The following ABCC11 variants were observed in gnomAD, a reference collection of about 807,000 sequenced individuals.
The protein encoded by ABCC11 is ATP-binding cassette sub-family C member 11.
Under a neutral mutation model 149.3 loss-of-function variants are expected in ABCC11, and 135 were observed. That is an observed-to-expected ratio of 0.90 (90% CI 0.79 to 1.04). ABCC11 has a LOEUF of 1.04. ABCC11 is among the 50% of genes least tolerant of loss of function. ABCC11 has a pLI of 0.00. For missense variants in ABCC11, 1,680 were observed against 1,722.1 expected (o/e 0.98, Z 0.43); for synonymous variants, 665 against 671.4 (o/e 0.99, Z 0.15).
At chr16:48,228,094 G>T in intron 3 of ABCC11, 130 bp from the exon 4 acceptor site, 4 of 887,666 alleles carry the variant, frequency 4.5e-6, no homozygotes, top group South Asian at 2.0e-5. Flanking sequence ...ACTCTTATTT[G>T]TAAGTTGAAA....
At position 48,188,521 on chromosome 16, in the gene ABCC11, G is replaced by A. The variant is rs1966844045; in HGVS notation, c.2707-1094C>T. Among the ~76,000 whole-genome samples the A allele has an allele frequency of 4.6e-5, 7 of 152,342 alleles. 1 individual carries two copies. Among genetic ancestry groups the A allele is most frequent in the Admixed American group, 3.9e-4 (6 of 15,300 alleles). ...TGCCCCCTTCTTGAGGGTGGCACCT[G>A]CAAGTTGATCTCTAACAGCCAGTGG... On this transcript the variant is annotated intron_variant, in intron 20 of 29. Transcript: ENST00000356608.
At chr16:48,214,764 CA>C (rs1969200928) in intron 9 of ABCC11, 116 bp downstream of exon 9, 3 of 1,352,258 alleles carry the variant, frequency 2.2e-6, no homozygotes, top group Non-Finnish European at 3.1e-6. Flanking sequence ...AAATCAAAAT[CA>C]ACATATAATG....
intron 1 of ABCC11, chr16:48,244,696 G>A (rs1971249037): frequency 9.3e-7 from 1 of 1,078,466 alleles, no homozygotes; most frequent in Middle Eastern, 3.3e-4. Context: ...GCCACGGCCT[G>A]CCTTGAGCGC....
intron 28 of ABCC11, among the ~76,000 whole-genome samples, chr16:48,169,378 G>T (rs1387668174): frequency 6.6e-6 from 1 of 152,116 alleles, no homozygotes; most frequent in Non-Finnish European, 1.5e-5. Flanking sequence ...AGCCCATCTT[G>T]AATTAATTTT....
At chr16:48,234,214 G>A (rs1322560373) in intron 1 of ABCC11, among the ~76,000 whole-genome samples, 2 of 152,160 alleles carry the variant, frequency 1.3e-5, no homozygotes, top group South Asian at 2.1e-4. Context: ...TGCGCAGCAC[G>A]GCATCATCAT....
intron 25 of ABCC11, among the ~76,000 whole-genome samples, chr16:48,175,658 GC>G (rs1567477864): frequency 6.6e-6 from 1 of 152,178 alleles, no homozygotes; most frequent in African/African-American, 2.4e-5. Flanking sequence ...AAGCCAGCCC[GC>G]AGACATGTTT....
chr16:48,247,068 C>T (rs188432081), intron 1 of ABCC11, among the ~76,000 whole-genome samples: 32 of 152,410 alleles, frequency 2.1e-4, no homozygotes, highest in African/African-American at 6.5e-4. Flanking sequence ...CATAGAAGTC[C>T]GGCATTATAA....
chr16:48,196,347 A>T, intron 17 of ABCC11, 26 bp from the exon 18 acceptor site: 2 of 1,605,360 alleles, frequency 1.2e-6, no homozygotes, highest in Non-Finnish European at 1.7e-6. Flanking sequence ...AGAAGAGAAA[A>T]GTGGTATGCC....
At chr16:48,172,940 G>A (rs1189724431) in intron 26 of ABCC11, among the ~76,000 whole-genome samples, 2 of 152,218 alleles carry the variant, frequency 1.3e-5, no homozygotes, top group African/African-American at 2.4e-5. Context: ...ATGTAGCCCT[G>A]AGTGAAACCT....
chr16:48,200,727 A>G (rs1333163107), intron 14 of ABCC11, among the ~76,000 whole-genome samples: 2 of 152,164 alleles, frequency 1.3e-5, no homozygotes, highest in African/African-American at 4.8e-5. Context: ...GCTGGAAAGG[A>G]TTTTTGGGGG....
At chr16:48,227,047 A>G (rs1970118475) in intron 4 of ABCC11, among the ~76,000 whole-genome samples, 3 of 152,188 alleles carry the variant, frequency 2.0e-5, no homozygotes, top group Admixed American at 2.0e-4. Flanking sequence ...GGTACAAGAA[A>G]TTTAATCACA....
intron 23 of ABCC11, among the ~76,000 whole-genome samples, chr16:48,181,959 T>G (rs1326969868): frequency 1.3e-5 from 2 of 152,184 alleles, no homozygotes; most frequent in African/African-American, 4.8e-5. Context: ...TGCAGTGTGG[T>G]GAGCACTGAA....
intron 2 of ABCC11, 101 bp from the exon 3 acceptor site, chr16:48,230,674 A>G: frequency 7.9e-7 from 1 of 1,266,604 alleles, no homozygotes; most frequent in African/African-American, 1.5e-5. Context: ...ATTTTTCCAT[A>G]TCCTGCTTCC....
intron 1 of ABCC11, chr16:48,244,384 C>T (rs751118267): frequency 5.9e-6 from 9 of 1,535,290 alleles, no homozygotes; most frequent in East Asian, 2.6e-5. Flanking sequence ...CGAAAGGCTG[C>T]CAGCATGTCA....
intron 12 of ABCC11, among the ~76,000 whole-genome samples, chr16:48,208,046 T>C (rs998039219): frequency 6.6e-6 from 1 of 152,200 alleles, no homozygotes; most frequent in East Asian, 1.9e-4. Flanking sequence ...ATGCTCTTTT[T>C]TTTTTATAGG....
chr16:48,225,137 G>A (rs930346612), intron 4 of ABCC11, among the ~76,000 whole-genome samples: 10 of 151,650 alleles, frequency 6.6e-5, no homozygotes, highest in African/African-American at 2.4e-4. Flanking sequence ...GCTTGAACCC[G>A]GGAGGTGAGT....
chr16:48,176,807 C>G (rs1000567062), intron 25 of ABCC11, 117 bp downstream of exon 25: 2 of 1,225,674 alleles, frequency 1.6e-6, no homozygotes, highest in African/African-American at 1.5e-5. Context: ...CCCAGCACAG[C>G]ATGAGGACCT....
intron 7 of ABCC11, 34 bp from the exon 8 acceptor site, chr16:48,215,378 C>A: frequency 2.5e-6 from 4 of 1,600,466 alleles, no homozygotes; most frequent in South Asian, 1.1e-5. Context: ...TGGAGTTGAT[C>A]TGCAAGGGCT....
intron 2 of ABCC11, 24 bp from the exon 3 acceptor site, chr16:48,230,597 C>A: frequency 6.5e-7 from 1 of 1,535,298 alleles, no homozygotes. Context: ...AACAAAAGAG[C>A]ATCAGTTTCA....
Sources: allele counts gnomAD v4.1 joint callset (sites outside exome capture counted in the v4.1 genomes callset), GRCh38; gene constraint gnomAD v4.1.1; transcripts MANE v1.5; gene names NCBI Gene and HGNC (gene_info 2026-07-23, HGNC 2026-07-21).